ZNF208: variants seen among roughly 807,000 people sequenced by gnomAD.
ZNF208 encodes the protein zinc finger protein 208, also known as zinc finger protein 95.
In ZNF208, 10 loss-of-function variants were observed where a neutral mutation model predicts 12.1. The ratio of observed to expected loss-of-function variants is 0.83; its 90% CI spans 0.51 to 1.40. The LOEUF is 1.40. ZNF208 is among the 40% of genes most tolerant of loss of function. The pLI is 0.00. For missense variants in ZNF208, 1,652 were observed against 1,485.0 expected, an observed-to-expected ratio of 1.11 and a Z score of -1.85; for synonymous variants, 497 against 488.4, an observed-to-expected ratio of 1.02 and a Z score of -0.23.
intron 2 of ZNF208, among the ~76,000 whole-genome samples, chr19:21,987,527 C>T (rs1333976824): frequency 2.0e-5 from 3 of 152,108 alleles, no homozygotes; most frequent in Non-Finnish European, 4.4e-5. Context: ...AGGAGGCCTC[C>T]GAGGAGGAAA....
chr19:21,987,946 C>G (rs1237058545), intron 2 of ZNF208, among the ~76,000 whole-genome samples: 2 of 152,268 alleles, frequency 1.3e-5, no homozygotes, highest in Non-Finnish European at 2.9e-5. Flanking sequence ...GCACTCTTAA[C>G]CTGTCTCTTC....
intron 4 of ZNF208, among the ~76,000 whole-genome samples, chr19:21,944,358 A>G (rs1969785918): frequency 6.6e-6 from 1 of 152,230 alleles, no homozygotes; most frequent in Non-Finnish European, 1.5e-5. Context: ...AGTTGTCAAA[A>G]TCATATGCAA....
Position 21,968,015 on chromosome 19 carries a change from CTG to C in ZNF208, c.*3174_*3175del, listed in dbSNP as rs1037065220. ...GTGTTTGTTGCTATTGTAAATAGAG[CTG>C]TGTTTTTTATTTTGTTCTCAGTTTG... On this transcript the variant is annotated 3_prime_UTR_variant, in exon 4 of 4. Transcript: ENST00000397126. 6 of 152,054 alleles carry C rather than the reference CTG, an allele frequency of 3.9e-5. No individual in the cohort carries two copies. Among genetic ancestry groups the C allele is most frequent in the East Asian group, 1.9e-4 (1 of 5,168 alleles). The allele number at this position is 152,054 out of a possible 1,614,324, so 9.4% of individuals were successfully genotyped here.
chr19:21,947,169 T>G (rs1338008592), intron 4 of ZNF208, among the ~76,000 whole-genome samples: 1 of 152,210 alleles, frequency 6.6e-6, no homozygotes, highest in Non-Finnish European at 1.5e-5. Context: ...AAATTTTTAC[T>G]CAGTAAGGGC....
chr19:21,967,168 T>G lies in ZNF208; in HGVS notation c.*4023A>C, dbSNP rs185518644. 171 of 152,238 alleles carry G rather than the reference T, an allele frequency of 1.1e-3. No individual in the cohort carries two copies. The highest frequency in any genetic ancestry group is 3.9e-3 in the African/African-American group (162 of 41,556). The allele number at this position is 152,238 out of a possible 1,614,324, so 9.4% of individuals were successfully genotyped here. ...GTATTATCTAAGTGTTATTCTAAGA[T>G]TTTTGTAGCTTGGAGACTCACAGAT... On this transcript the variant is annotated 3_prime_UTR_variant, in exon 4 of 4. Coordinates refer to ENST00000397126, the MANE Select transcript of ZNF208 (RefSeq NM_007153.3).
At chr19:21,995,877 C>T (rs989190822) in intron 1 of ZNF208, among the ~76,000 whole-genome samples, 3 of 152,126 alleles carry the variant, frequency 2.0e-5, no homozygotes, top group Non-Finnish European at 2.9e-5. Flanking sequence ...AGCCACACTC[C>T]CAAAAAAGGA....
At chr19:21,976,318 T>C (rs1970430137) in intron 3 of ZNF208, among the ~76,000 whole-genome samples, 1 of 152,176 alleles carries the variant, frequency 6.6e-6, no homozygotes, top group Non-Finnish European at 1.5e-5. Context: ...TTTTAGGTTC[T>C]ATGCAATCCC....
rs367823249 is a variant in ZNF208, at chr19:21,990,666, C to G, written c.4-1757G>C. On this transcript the variant is annotated intron_variant, in intron 1 of 3. Transcript: ENST00000397126. ...TAGCTTGATGGAGATGGCATTGAAT[C>G]TATAAATTACCTTGAATCTATAAAA... is the stretch of plus-strand genomic sequence containing the variant. 2.1e-4 allele frequency among the ~76,000 whole-genome samples: 32 copies of G among 152,254 alleles called. No individual in the cohort carries two copies. The East Asian group carries it at 4.6e-3, about 22-fold the overall frequency.
At position 21,985,621 on chromosome 19, in the gene ZNF208, A is replaced by G. The variant is rs374803762; in HGVS notation, c.226+1595T>C. The stretch of plus-strand genomic sequence containing the variant: ...TGAACTTACTCTGTAACCATCCCAA[A>G]CTCCTCCCAGCCACAGTCTGTGAGA... On this transcript the variant is annotated intron_variant, in intron 3 of 3. Transcript: ENST00000397126. Among the ~76,000 whole-genome samples the G allele has an allele frequency of 1.9e-3, 293 of 151,840 alleles. 1 individual carries two copies. Among genetic ancestry groups the G allele is most frequent in the African/African-American group, 6.7e-3 (276 of 41,406 alleles).
chr19:21,971,445 A>G lies in ZNF208; in HGVS notation c.3589T>C (p.Tyr1197His). The G allele has an allele frequency of 6.2e-7, 1 of 1,610,314 alleles. No homozygotes were observed. The highest frequency in any genetic ancestry group is 8.5e-7 in the Non-Finnish European group (1 of 1,179,444). Residue 1197 changes from tyrosine to histidine, a missense_variant, in exon 4 of 4, where the codon TAC (tyrosine) becomes CAC (histidine). By Grantham distance (83) the Tyr-to-His change is moderately conservative. Around this residue, in one of 3 missense-constraint regions of ZNF208, gnomAD observed 1,239 missense variants for 1,086.2 expected, o/e 1.14. Coordinates refer to ENST00000397126, the MANE Select transcript of ZNF208 (RefSeq NM_007153.3). Reference sequence around the variant, plus strand: ...GCTTTGCCACATTCTTCACATTTGTAGAGTTTCTCTCCAGTATGAATTACC... The same window carrying G: ...GCTTTGCCACATTCTTCACATTTGTGGAGTTTCTCTCCAGTATGAATTACC... Reference protein sequence around the residue: ...HKVIHTGEKLYKCEECGKAYK... With the variant: ...HKVIHTGEKLHKCEECGKAYK...
intron 4 of ZNF208, chr19:21,941,284 A>G (rs773094781): frequency 1.4e-4 from 54 of 399,020 alleles, no homozygotes; most frequent in Non-Finnish European, 1.6e-4. Context: ...CCAAAGGCAG[A>G]CGCTAACGCA....
intron 3 of ZNF208, among the ~76,000 whole-genome samples, chr19:21,976,408 C>T (rs1970431248): frequency 1.3e-5 from 2 of 151,986 alleles, no homozygotes; most frequent in Admixed American, 1.3e-4. Flanking sequence ...ATACAAAAAT[C>T]AGACAGAAAC....
intron 4 of ZNF208, among the ~76,000 whole-genome samples, chr19:21,949,907 G>T (rs1270080193): frequency 4.6e-5 from 7 of 152,150 alleles, no homozygotes; most frequent in Non-Finnish European, 8.8e-5. Flanking sequence ...GGAAGCCTCT[G>T]ACTAAAAACC....
Position 21,973,127 on chromosome 19 carries a change from G to A in ZNF208, c.1907C>T (p.Pro636Leu), listed in dbSNP as rs1167166941. The A allele has an allele frequency of 6.2e-7, 1 of 1,613,128 alleles. No homozygotes were observed. Among genetic ancestry groups the A allele is most frequent in the African/African-American group, 1.3e-5 (1 of 74,786 alleles). The change falls in exon 4 of 4, where the codon CCC (proline) becomes CTC (leucine). Residue 636 changes from proline to leucine, a missense_variant. By Grantham distance (98) the Pro-to-Leu change is moderately conservative. This residue lies in a region of ZNF208 where 1,239 missense variants were observed against 1,086.2 expected (regional missense o/e 1.14). Coordinates refer to ENST00000397126, the MANE Select transcript of ZNF208 (RefSeq NM_007153.3). ...TTTGCCACATTCTTTACATTTGTAG[G>A]GCTTCTCTCCAGCATGAATTGCCTT... ...THKAIHAGEKPYKCKECGKTF... is the reference protein window; with the variant it reads ...THKAIHAGEKLYKCKECGKTF...
Position 21,970,776 on chromosome 19 carries a change from A to G in ZNF208, c.*415T>C. The G allele has an allele frequency of 2.1e-6, 3 of 1,410,996 alleles. No homozygotes were observed. The highest frequency in any genetic ancestry group is 1.7e-5 in the Admixed American group (1 of 58,164). 87.4% of individuals were successfully genotyped at this position (1,410,996 alleles called of 1,614,324 possible). A position where few individuals can be genotyped will look rare whatever the true frequency, so the allele number is the denominator to read the frequency against. On this transcript the variant is annotated 3_prime_UTR_variant, in exon 4 of 4. Transcript: ENST00000397126. Reference sequence around the variant, plus strand: ...TTTGCCAAATTCTTCACATTTTTAGAATTTCTCTCCAGCATGAATTTTCTT... The same window carrying G: ...TTTGCCAAATTCTTCACATTTTTAGGATTTCTCTCCAGCATGAATTTTCTT...
At chr19:21,982,357 CA>C (rs34234040) in intron 3 of ZNF208, among the ~76,000 whole-genome samples, 47,599 of 106,686 alleles carry the variant, frequency 0.45, 8,487 homozygotes, top group Middle Eastern at 0.59. Flanking sequence ...GACTCCATCT[CA>C]AAAAAAAAAA....
chr19:21,960,074 A>G (rs764297013), intron 4 of ZNF208, among the ~76,000 whole-genome samples: 5 of 152,188 alleles, frequency 3.3e-5, no homozygotes, highest in Non-Finnish European at 5.9e-5. Flanking sequence ...TTATATGCTG[A>G]CCAATTTAAT....
intron 4 of ZNF208, among the ~76,000 whole-genome samples, chr19:21,957,349 T>C (rs922149046): frequency 8.5e-5 from 13 of 152,174 alleles, no homozygotes; most frequent in African/African-American, 3.1e-4. Flanking sequence ...AAAAATCCAT[T>C]TTCTTATGCA....
intron 1 of ZNF208, among the ~76,000 whole-genome samples, chr19:21,990,669 T>C (rs1970717227): frequency 6.6e-6 from 1 of 152,344 alleles, no homozygotes; most frequent in South Asian, 2.1e-4. Flanking sequence ...ATTGAATCTA[T>C]AAATTACCTT....
Sources: gnomAD v4.1 joint callset for allele counts (sites outside exome capture counted in the v4.1 genomes callset) on GRCh38, gnomAD v4.1.1 for gene constraint, gnomAD v4.1.1 regional missense constraint, MANE v1.5 for transcripts, NCBI Gene and HGNC (gene_info 2026-07-23, HGNC 2026-07-21) for gene names.